Variants in SRGAP1 observed in about 807,000 individuals in gnomAD.
SRGAP1 encodes SLIT-ROBO Rho GTPase-activating protein 1.
SRGAP1 carries 43 observed loss-of-function variants against 121.9 expected under a neutral mutation model. That is an observed-to-expected ratio of 0.35 (90% CI 0.28 to 0.46). The LOEUF (loss-of-function observed/expected upper bound fraction) is 0.46. SRGAP1 is among the 20% of genes least tolerant of loss of function. SRGAP1 has a pLI of 1.00. For synonymous variants in SRGAP1, 447 were observed against 485.4 expected, an observed-to-expected ratio of 0.92 and a Z score of 1.04; for missense variants, 1,102 against 1,350.9, an observed-to-expected ratio of 0.82 and a Z score of 2.89.
intron 3 of SRGAP1, among the ~76,000 whole-genome samples, chr12:63,993,569 A>G (rs2033614947): frequency 6.6e-6 from 1 of 152,202 alleles, no homozygotes; most frequent in South Asian, 2.1e-4. Context: ...CTGTATGGAG[A>G]TCCAAATAAA....
rs1555171596 is a variant in SRGAP1, at chr12:64,072,154, C to CA, written c.1126-6765_1126-6764insA. Among the ~76,000 whole-genome samples the CA allele has an allele frequency of 1.0e-4, 9 of 88,242 alleles. 1 individual carries two copies. The East Asian group carries it at 2.9e-3, about 29-fold the overall frequency. 57.9% of individuals were successfully genotyped at this position (88,242 alleles called of 152,430 possible). A position where few individuals can be genotyped will look rare whatever the true frequency, so the allele number is the denominator to read the frequency against. ...TGTGTGTGTGTGTGTGTGTGGGCGGCGGGGGGGGGCTCTTTCTGCTAATTT... is the reference window on the plus strand; with the variant it reads ...TGTGTGTGTGTGTGTGTGTGGGCGGCAGGGGGGGGGCTCTTTCTGCTAATTT... On this transcript the variant is annotated intron_variant, in intron 8 of 21. Coordinates refer to ENST00000355086, the MANE Select transcript of SRGAP1 (RefSeq NM_020762.4).
chr12:64,155,966 T>A lies in SRGAP1; in HGVS notation c.*13294T>A, dbSNP rs1379119415. 2.0e-5 allele frequency: 3 copies of A among 152,240 alleles called. No homozygotes were observed. 9.4% of individuals were successfully genotyped at this position (152,240 alleles called of 1,614,324 possible). Reference sequence around the variant, plus strand: ...AATATTTTCTATGTGCCAAGCACTGTGCTAACTGCTTTCATATTATCGGAT... The same window carrying A: ...AATATTTTCTATGTGCCAAGCACTGAGCTAACTGCTTTCATATTATCGGAT... On this transcript the variant is annotated 3_prime_UTR_variant, in exon 22 of 22. Transcript: ENST00000355086.
chr12:64,117,207 G>A (rs895782010), intron 18 of SRGAP1, among the ~76,000 whole-genome samples: 1 of 152,164 alleles, frequency 6.6e-6, no homozygotes, highest in African/African-American at 2.4e-5. Context: ...GTCCCTCCAA[G>A]GTCAGCAAGG....
intron 1 of SRGAP1, among the ~76,000 whole-genome samples, chr12:63,889,382 G>A (rs1311324430): frequency 1.3e-5 from 2 of 152,078 alleles, no homozygotes; most frequent in African/African-American, 4.8e-5. Flanking sequence ...GAGAAGAGGC[G>A]GCAACAGCTT....
chr12:63,940,982 G>A (rs1254064205), intron 1 of SRGAP1, among the ~76,000 whole-genome samples: 3 of 152,142 alleles, frequency 2.0e-5, no homozygotes, highest in African/African-American at 4.8e-5. Context: ...AGCTGGGATT[G>A]TTTCTTCTGG....
chr12:64,122,604 C>CA (rs1022604800), intron 18 of SRGAP1, among the ~76,000 whole-genome samples: 2 of 151,992 alleles, frequency 1.3e-5, no homozygotes, highest in Non-Finnish European at 2.9e-5. Context: ...TTGCTTGTTT[C>CA]AAAAAAATAA....
At chr12:63,942,034 G>A (rs1432074383) in intron 1 of SRGAP1, among the ~76,000 whole-genome samples, 1 of 151,994 alleles carries the variant, frequency 6.6e-6, no homozygotes, top group Non-Finnish European at 1.5e-5. Context: ...ATGATCTGAG[G>A]GGAACTCCTT....
intron 1 of SRGAP1, among the ~76,000 whole-genome samples, chr12:63,974,404 A>C (rs2033038204): frequency 6.6e-6 from 1 of 152,192 alleles, no homozygotes; most frequent in Non-Finnish European, 1.5e-5. Context: ...ATTGTAATGA[A>C]GACTTAGAAT....
rs759566545 is a variant in SRGAP1 at position 63,913,194 on chromosome 12, C to CTTTTT, written c.67+68337_67+68341dup. Among the ~76,000 whole-genome samples the CTTTTT allele has an allele frequency of 1.9e-3, 112 of 59,034 alleles. 2 individuals are homozygous for CTTTTT. Among genetic ancestry groups the CTTTTT allele is most frequent in the Non-Finnish European group, 2.2e-3 (73 of 32,898 alleles). 38.7% of individuals were successfully genotyped at this position (59,034 alleles called of 152,430 possible). A position where few individuals can be genotyped will look rare whatever the true frequency, so the allele number is the denominator to read the frequency against. ...GCAACCAATTTTCTGGTAAATCCTT[C>CTTTTT]TTTTTTTTTTTTTTTTTTTTTTTTT... On this transcript the variant is annotated intron_variant, in intron 1 of 21. Transcript: ENST00000355086.
rs114109834 is a variant in SRGAP1 at position 63,911,983 on chromosome 12, G to C, written c.67+67100G>C. ...ACATCTTTAGGTTAAAATGATGTTG[G>C]AGAAATAGTGGAGGATGTGCAGAGT... On this transcript the variant is annotated intron_variant, in intron 1 of 21. Transcript: ENST00000355086. Among the ~76,000 whole-genome samples the C allele has an allele frequency of 3.5e-3, 535 of 152,260 alleles. 2 individuals carry two copies. Among genetic ancestry groups the C allele is most frequent in the African/African-American group, 0.012 (512 of 41,546 alleles).
At chr12:63,873,302 G>A (rs1452998139) in intron 1 of SRGAP1, among the ~76,000 whole-genome samples, 2 of 151,924 alleles carry the variant, frequency 1.3e-5, no homozygotes, top group Non-Finnish European at 1.5e-5. Context: ...AGGCCGAGGC[G>A]GGTGGATCAA....
At chr12:64,073,071 G>A (rs1295194536) in intron 8 of SRGAP1, among the ~76,000 whole-genome samples, 1 of 152,088 alleles carries the variant, frequency 6.6e-6, no homozygotes, top group Non-Finnish European at 1.5e-5. Context: ...GCTCATATTA[G>A]CTGTTTCATA....
intron 4 of SRGAP1, chr12:64,032,580 C>A: frequency 1.3e-6 from 1 of 772,358 alleles, no homozygotes. Flanking sequence ...TAGCTCTGCA[C>A]ATAAGTCCTG....
chr12:63,923,344 C>T (rs890122061), intron 1 of SRGAP1, among the ~76,000 whole-genome samples: 1 of 152,134 alleles, frequency 6.6e-6, no homozygotes, highest in Non-Finnish European at 1.5e-5. Context: ...AACGGCCGTA[C>T]TTACAACATC....
chr12:64,055,073 G>T (rs1407277293), intron 6 of SRGAP1, among the ~76,000 whole-genome samples: 2 of 151,634 alleles, frequency 1.3e-5, no homozygotes, highest in Non-Finnish European at 2.9e-5. Context: ...GTCCCTGTTT[G>T]CAGACGACAT....
At chr12:63,981,831 C>A (rs147590743) in intron 1 of SRGAP1, among the ~76,000 whole-genome samples, 3 of 152,164 alleles carry the variant, frequency 2.0e-5, no homozygotes, top group Admixed American at 6.5e-5. Flanking sequence ...GGGCAGAGAT[C>A]TTGTTTCATT....
In SRGAP1 at chr12:64,160,354, A is replaced by C. The variant is rs2037200271; in HGVS notation, c.*17682A>C. The C allele has an allele frequency of 6.6e-6, 1 of 152,204 alleles. No individual in the cohort carries two copies. Among genetic ancestry groups the C allele is most frequent in the African/African-American group, 2.4e-5 (1 of 41,450 alleles). The allele number at this position is 152,204 out of a possible 1,614,324, so 9.4% of individuals were successfully genotyped here. A position where few individuals can be genotyped will look rare whatever the true frequency, so the allele number is the denominator to read the frequency against. ...TGTCTAGAAAGTGTCTTTATCTCACATGTAATTGTGATAGTCTGGCTGAGT... is the reference window on the plus strand; with the variant it reads ...TGTCTAGAAAGTGTCTTTATCTCACCTGTAATTGTGATAGTCTGGCTGAGT... On this transcript the variant is annotated 3_prime_UTR_variant, in exon 22 of 22. Coordinates refer to ENST00000355086, the MANE Select transcript of SRGAP1 (RefSeq NM_020762.4).
chr12:64,086,880 A>C, intron 10 of SRGAP1, 119 bp from the exon 11 acceptor site: 1 of 704,020 alleles, frequency 1.4e-6, no homozygotes, highest in Non-Finnish European at 2.4e-6. Flanking sequence ...TCTGCCATAA[A>C]AACGTGTAAG....
intron 18 of SRGAP1, among the ~76,000 whole-genome samples, 155 bp from the exon 19 acceptor site, chr12:64,125,822 A>G (rs1014259638): frequency 3.9e-5 from 6 of 152,070 alleles, no homozygotes; most frequent in African/African-American, 7.2e-5. Context: ...AACAGCCTCT[A>G]TTTTCTCCTG....
Sources: allele counts gnomAD v4.1 joint callset (sites outside exome capture counted in the v4.1 genomes callset), GRCh38; gene constraint gnomAD v4.1.1; transcripts MANE v1.5; gene names NCBI Gene and HGNC (gene_info 2026-07-23, HGNC 2026-07-21).